The following MACROD2 variants were observed in gnomAD, a reference collection of about 807,000 sequenced individuals.
The protein encoded by MACROD2 is mono-ADP ribosylhydrolase 2, also known as ADP-ribose glycohydrolase MACROD2.
A neutral mutation model predicts 70.4 loss-of-function variants in MACROD2; 36 were observed. The observed-to-expected ratio is 0.51, with a 90% CI of 0.39 to 0.68. The LOEUF (loss-of-function observed/expected upper bound fraction) is 0.68, where lower values mean the gene tolerates loss of function less well. MACROD2 is among the 30% of genes least tolerant of loss of function. MACROD2 has a pLI of 0.00. For missense variants in MACROD2, 496 were observed against 538.4 expected, an observed-to-expected ratio of 0.92 and a Z score of 0.78; for synonymous variants, 172 against 178.8, an observed-to-expected ratio of 0.96 and a Z score of 0.30.
chr20:15,676,072 C>T (rs1264152694), intron 8 of MACROD2, among the ~76,000 whole-genome samples: 1 of 152,154 alleles, frequency 6.6e-6, no homozygotes, highest in Non-Finnish European at 1.5e-5. Flanking sequence ...CATTTTATTT[C>T]CTGTACTCAC....
chr20:14,789,651 T>A (rs1210927122), intron 5 of MACROD2, among the ~76,000 whole-genome samples: 1 of 151,472 alleles, frequency 6.6e-6, no homozygotes, highest in Non-Finnish European at 1.5e-5. Flanking sequence ...AATTTTTGTA[T>A]TTTTAGTAGA....
chr20:14,441,519 T>C (rs1249619907), intron 3 of MACROD2, among the ~76,000 whole-genome samples: 4 of 152,196 alleles, frequency 2.6e-5, no homozygotes, highest in Admixed American at 2.6e-4. Context: ...TAATTCTCGG[T>C]CTAGAAGTCA....
At chr20:14,159,329 T>A (rs764581137) in intron 3 of MACROD2, among the ~76,000 whole-genome samples, 20 of 152,348 alleles carry the variant, frequency 1.3e-4, no homozygotes, top group Non-Finnish European at 2.2e-4. Context: ...GGCATTATGG[T>A]CATTTTAACA....
At chr20:15,483,560 T>C (rs1325129487) in intron 7 of MACROD2, among the ~76,000 whole-genome samples, 1 of 152,166 alleles carries the variant, frequency 6.6e-6, no homozygotes, top group African/African-American at 2.4e-5. Context: ...AACTTTAGAA[T>C]CAGTTTGTTT....
chr20:14,796,265 T>G (rs2072508679), intron 5 of MACROD2, among the ~76,000 whole-genome samples: 2 of 152,088 alleles, frequency 1.3e-5, no homozygotes. Context: ...AAGAATGCTA[T>G]TCTCCTGTTT....
At chr20:15,190,527 C>T (rs569404734) in intron 5 of MACROD2, among the ~76,000 whole-genome samples, 31 of 152,312 alleles carry the variant, frequency 2.0e-4, no homozygotes, top group African/African-American at 7.2e-4. Context: ...CCTCTGAAAT[C>T]AGAGCCTGAG....
At chr20:15,054,396 T>C (rs1462061010) in intron 5 of MACROD2, among the ~76,000 whole-genome samples, 1 of 152,094 alleles carries the variant, frequency 6.6e-6, no homozygotes, top group African/African-American at 2.4e-5. Context: ...ACCACCCTGA[T>C]CAGTCAGCAG....
chr20:14,181,721 A>G (rs2148731612), intron 3 of MACROD2, among the ~76,000 whole-genome samples: 1 of 152,288 alleles, frequency 6.6e-6, no homozygotes, highest in South Asian at 2.1e-4. Context: ...TTTCAGATAA[A>G]TATAATGGAA....
At chr20:15,358,244 A>AGT (rs2078311784) in intron 6 of MACROD2, among the ~76,000 whole-genome samples, 1 of 152,210 alleles carries the variant, frequency 6.6e-6, no homozygotes, top group Non-Finnish European at 1.5e-5. Flanking sequence ...AGAGATAAGT[A>AGT]GTATATTTAC....
At chr20:14,465,917 G>T (rs1346799341) in intron 3 of MACROD2, among the ~76,000 whole-genome samples, 5 of 152,108 alleles carry the variant, frequency 3.3e-5, no homozygotes, top group Admixed American at 2.6e-4. Flanking sequence ...TTAGTCTGAT[G>T]GGCTTCCCTT....
At chr20:14,319,277 T>C (rs974505912) in intron 3 of MACROD2, among the ~76,000 whole-genome samples, 3 of 152,196 alleles carry the variant, frequency 2.0e-5, no homozygotes, top group Non-Finnish European at 2.9e-5. Flanking sequence ...TGTAAAACTG[T>C]AGCTTCTCGG....
intron 3 of MACROD2, among the ~76,000 whole-genome samples, chr20:14,159,351 TC>T (rs1385412330): frequency 1.2e-4 from 18 of 152,352 alleles, no homozygotes; most frequent in African/African-American, 4.3e-4. Flanking sequence ...TATTAATTCT[TC>T]CCATCCAAGA....
At chr20:14,488,114 G>T (rs1253884818) in intron 3 of MACROD2, among the ~76,000 whole-genome samples, 2 of 152,084 alleles carry the variant, frequency 1.3e-5, no homozygotes, top group Non-Finnish European at 2.9e-5. Flanking sequence ...TCTCAAATAA[G>T]CATATCTTTC....
At chr20:15,960,073 C>T (rs2066037716) in intron 12 of MACROD2, among the ~76,000 whole-genome samples, 1 of 152,164 alleles carries the variant, frequency 6.6e-6, no homozygotes, top group Non-Finnish European at 1.5e-5. Flanking sequence ...CCATCAGTTC[C>T]TCTAGAGACT....
chr20:14,663,495 TAATAAA>T (rs1235276880), intron 4 of MACROD2, among the ~76,000 whole-genome samples: 1 of 143,266 alleles, frequency 7.0e-6, no homozygotes, highest in Non-Finnish European at 1.5e-5. Context: ...AATGAAAACA[TAATAAA>T]AATAAAACAG....
chr20:14,327,907 C>T (rs2082764505), intron 3 of MACROD2, among the ~76,000 whole-genome samples: 2 of 151,804 alleles, frequency 1.3e-5, no homozygotes, highest in Admixed American at 6.6e-5. Context: ...ATTGAATATC[C>T]ATTTCTTACT....
intron 2 of MACROD2, among the ~76,000 whole-genome samples, chr20:14,074,814 T>C (rs1601190576): frequency 1.3e-5 from 2 of 152,332 alleles, no homozygotes; most frequent in East Asian, 3.9e-4. Flanking sequence ...TCAACTGTGG[T>C]CTGAAAATAT....
chr20:15,084,339 A>T (rs1235450751), intron 5 of MACROD2, among the ~76,000 whole-genome samples: 1 of 151,996 alleles, frequency 6.6e-6, no homozygotes, highest in African/African-American at 2.4e-5. Context: ...AAGTGCTGGG[A>T]TTACAGACGT....
At chr20:14,371,322 A>G (rs2083321418) in intron 3 of MACROD2, among the ~76,000 whole-genome samples, 1 of 152,018 alleles carries the variant, frequency 6.6e-6, no homozygotes, top group Non-Finnish European at 1.5e-5. Flanking sequence ...CCATCTCTAC[A>G]AGAAATTTTT....
Sources: allele counts gnomAD v4.1 joint callset (sites outside exome capture counted in the v4.1 genomes callset), GRCh38; gene constraint gnomAD v4.1.1; transcripts MANE v1.5; gene names NCBI Gene and HGNC (gene_info 2026-07-23, HGNC 2026-07-21).